Variants in HTR3B observed in about 807,000 individuals in gnomAD.
The protein encoded by HTR3B is 5-hydroxytryptamine (serotonin) receptor 3B, ionotropic.
In HTR3B, 44 loss-of-function variants were observed where a neutral mutation model predicts 42.8. The ratio of observed to expected loss-of-function variants is 1.03; its 90% CI spans 0.81 to 1.32. The LOEUF (loss-of-function observed/expected upper bound fraction) is 1.32. Among genes scored for constraint, HTR3B ranks in the 40% most tolerant of loss-of-function variants. The pLI is 0.00. For missense variants in HTR3B, 527 were observed against 536.5 expected, an observed-to-expected ratio of 0.98 and a Z score of 0.17; for synonymous variants, 203 against 209.0, an observed-to-expected ratio of 0.97 and a Z score of 0.25.
intron 8 of HTR3B, 48 bp downstream of exon 8, chr11:113,944,803 A>G: frequency 6.4e-7 from 1 of 1,571,216 alleles, no homozygotes. Flanking sequence ...TGATCACCTT[A>G]AAAATTCATT....
intron 2 of HTR3B, among the ~76,000 whole-genome samples, chr11:113,913,268 C>T (rs1406835502): frequency 1.3e-5 from 2 of 150,466 alleles, no homozygotes; most frequent in Non-Finnish European, 3.0e-5. Flanking sequence ...ACTGCAGCCG[C>T]CGCCTCCAGG....
At chr11:113,922,578 C>CT (rs1949926736) in intron 2 of HTR3B, among the ~76,000 whole-genome samples, 1 of 151,144 alleles carries the variant, frequency 6.6e-6, no homozygotes, top group Non-Finnish European at 1.5e-5. Context: ...CTGAGCGAGA[C>CT]GCAGTCTCGC....
In HTR3B at chr11:113,921,302, C is replaced by T. The variant is rs192642190; in HGVS notation, c.214-10082C>T. ...CTGGGATTATAGGCACCCACCACCA[C>T]GCCTGGCTAATTTTTGTACTTTTAG... On this transcript the variant is annotated intron_variant, in intron 2 of 8. Transcript: ENST00000260191. Among the ~76,000 whole-genome samples the T allele has an allele frequency of 9.4e-3, 1,419 of 151,652 alleles. 13 individuals carry two copies. Among genetic ancestry groups the T allele is most frequent in the Non-Finnish European group, 0.014 (942 of 67,904 alleles).
chr11:113,921,154 ATT>A (rs71063534), intron 2 of HTR3B, among the ~76,000 whole-genome samples: 1 of 144,652 alleles, frequency 6.9e-6, no homozygotes. Context: ...TTTATTTTTT[ATT>A]TTTTTTTTGA....
rs1281901755 is a variant in HTR3B at position 113,946,712 on chromosome 11, C to T, written c.*575C>T. 3 of 152,246 alleles carry T rather than the reference C, an allele frequency of 2.0e-5. No homozygotes were observed. Among genetic ancestry groups the T allele is most frequent in the African/African-American group, 7.2e-5 (3 of 41,454 alleles). 9.4% of individuals were successfully genotyped at this position (152,246 alleles called of 1,614,324 possible). A position where few individuals can be genotyped will look rare whatever the true frequency, so the allele number is the denominator to read the frequency against. ...CCAGTCCACTCACCCAAAGCAACCACTGTTAGTAATTTCTTCCAGAAGATT... is the reference window on the plus strand; with the variant it reads ...CCAGTCCACTCACCCAAAGCAACCATTGTTAGTAATTTCTTCCAGAAGATT... On this transcript the variant is annotated 3_prime_UTR_variant, in exon 9 of 9. Transcript: ENST00000260191.
intron 2 of HTR3B, among the ~76,000 whole-genome samples, chr11:113,924,139 A>G (rs914807726): frequency 6.6e-6 from 1 of 152,246 alleles, no homozygotes; most frequent in Non-Finnish European, 1.5e-5. Flanking sequence ...GAATAGATGT[A>G]AAAATGTATT....
chr11:113,907,072 A>G (rs1469876234), intron 1 of HTR3B, among the ~76,000 whole-genome samples: 3 of 152,204 alleles, frequency 2.0e-5, no homozygotes, highest in Non-Finnish European at 4.4e-5. Flanking sequence ...GTAAGTCATT[A>G]AAACAAGGAA....
chr11:113,904,253 T>C (rs1447098019), upstream of HTR3B, among the ~76,000 whole-genome samples: 1 of 152,240 alleles, frequency 6.6e-6, no homozygotes, highest in African/African-American at 2.4e-5. Context: ...CCTAGAAGCA[T>C]CCTTTCTAGA....
intron 6 of HTR3B, among the ~76,000 whole-genome samples, chr11:113,938,104 C>T (rs1256541448): frequency 2.0e-5 from 3 of 152,124 alleles, no homozygotes; most frequent in Non-Finnish European, 4.4e-5. Context: ...ACTCCAGTCA[C>T]ATTGGATTAA....
upstream of HTR3B, among the ~76,000 whole-genome samples, chr11:113,901,204 G>T (rs1949695506): frequency 6.6e-6 from 1 of 152,134 alleles, no homozygotes; most frequent in Admixed American, 6.6e-5. Context: ...CTACTGGGGA[G>T]GCCAAGGCGG....
chr11:113,913,055 T>G (rs1444334441), intron 2 of HTR3B, among the ~76,000 whole-genome samples: 1 of 149,638 alleles, frequency 6.7e-6, no homozygotes, highest in Non-Finnish European at 1.5e-5. Context: ...ATACACATAT[T>G]ATATAATAAA....
Position 113,943,008 on chromosome 11 carries a change from C to T in HTR3B, c.723C>T (p.Val241=). The change falls in exon 7 of 9, where the codon GTC becomes GTT. Residue 241 remains valine (V), a synonymous_variant. Transcript: ENST00000260191. ...FNVVMRRHPL[V]YVVSLLIPSI... ...TGGTGATGCGCAGGCACCCCCTGGT[C>T]TATGTCGTGAGTCTGCTGATTCCTA... The T allele has an allele frequency of 1.9e-6, 3 of 1,614,082 alleles. No individual in the cohort carries two copies. Among genetic ancestry groups the T allele is most frequent in the Non-Finnish European group, 2.5e-6 (3 of 1,180,024 alleles).
At position 113,926,119 on chromosome 11, in the gene HTR3B, C is replaced by T. The variant is rs575443846; in HGVS notation, c.214-5265C>T. On this transcript the variant is annotated intron_variant, in intron 2 of 8. Coordinates refer to ENST00000260191, the MANE Select transcript of HTR3B (RefSeq NM_006028.5). ...ACATATTATATAAGTGGAATCATAC[C>T]ATAAATGGCTTCTTATGACTGATTT... 2.6e-5 allele frequency among the ~76,000 whole-genome samples: 4 copies of T among 152,246 alleles called. No individual in the cohort carries two copies. In the East Asian group the frequency reaches 5.8e-4, roughly 22 times the overall value.
chr11:113,948,754 T>G lies in HTR3B; in HGVS notation c.*2617T>G, dbSNP rs1950197900. Among the ~76,000 whole-genome samples, 1 of 151,806 alleles carries G rather than the reference T, an allele frequency of 6.6e-6. No homozygotes were observed. Among genetic ancestry groups the G allele is most frequent in the South Asian group, 2.1e-4 (1 of 4,820 alleles). On this transcript the variant is annotated 3_prime_UTR_variant, in exon 9 of 9. Coordinates refer to ENST00000260191, the MANE Select transcript of HTR3B (RefSeq NM_006028.5). ...GGCACATGCCTGTAATCCCACCTAC[T>G]CGGGGGGCTGAGGCAGGAGAATCGC... is the stretch of plus-strand genomic sequence containing the variant.
intron 6 of HTR3B, among the ~76,000 whole-genome samples, chr11:113,941,272 G>C (rs1012575829): frequency 9.9e-5 from 15 of 152,182 alleles, no homozygotes; most frequent in African/African-American, 3.6e-4. Flanking sequence ...TGTAAGATAG[G>C]TCTTATTTTT....
intron 2 of HTR3B, among the ~76,000 whole-genome samples, chr11:113,919,906 G>A (rs1380350744): frequency 6.6e-6 from 1 of 152,050 alleles, no homozygotes; most frequent in African/African-American, 2.4e-5. Flanking sequence ...CCTTTTTACT[G>A]ATTCAGGTTA....
chr11:113,908,132 T>C (rs1319652137), intron 1 of HTR3B, among the ~76,000 whole-genome samples: 1 of 152,166 alleles, frequency 6.6e-6, no homozygotes, highest in African/African-American at 2.4e-5. Context: ...AATGAAAGTG[T>C]ATATTGCACT....
chr11:113,917,934 C>A (rs1045109299), intron 2 of HTR3B, among the ~76,000 whole-genome samples: 2 of 152,160 alleles, frequency 1.3e-5, no homozygotes, highest in African/African-American at 4.8e-5. Flanking sequence ...GATCCTTTTA[C>A]TGTTATGAAA....
chr11:113,936,364 G>A (rs1047762123), intron 6 of HTR3B, among the ~76,000 whole-genome samples: 8 of 152,106 alleles, frequency 5.3e-5, no homozygotes, highest in Admixed American at 2.0e-4. Context: ...ATTGGGGTGC[G>A]CACAGGGTGT....
Sources: allele counts gnomAD v4.1 joint callset (sites outside exome capture counted in the v4.1 genomes callset), GRCh38; gene constraint gnomAD v4.1.1; transcripts MANE v1.5; gene names NCBI Gene and HGNC (gene_info 2026-07-23, HGNC 2026-07-21).